SNX8: variants seen among roughly 807,000 people sequenced by gnomAD.
SNX8 encodes the protein sorting nexin-8.
In SNX8, 25 loss-of-function variants were observed where a neutral mutation model predicts 51.6. That is an observed-to-expected ratio of 0.48 (90% confidence interval 0.35 to 0.68). The LOEUF is 0.68. Among genes scored for constraint, SNX8 ranks in the 30% least tolerant of loss-of-function variants. SNX8 has a pLI of 0.00. For missense variants in SNX8, 695 were observed against 624.0 expected (o/e 1.11, Z -1.21); for synonymous variants, 324 against 277.0 (o/e 1.17, Z -1.68).
chr7:2,261,442 C>CA (rs1325408661), intron 7 of SNX8, among the ~76,000 whole-genome samples: 2 of 151,838 alleles, frequency 1.3e-5, no homozygotes, highest in African/African-American at 2.4e-5. Context: ...CAAAAACAAA[C>CA]AAAAAAAAGA....
Position 2,275,115 on chromosome 7 carries a change from C to T in SNX8, c.415G>A (p.Gly139Arg). The part of the protein sequence containing the change: ...VPALPPKRML[G>R]ADREFIEARR... ...TGGGCAGCACGCCTGGCTTTACCTCCCAGCATTCTCTTGGGTGGCAGGGCA... is the reference window on the plus strand; with the variant it reads ...TGGGCAGCACGCCTGGCTTTACCTCTCAGCATTCTCTTGGGTGGCAGGGCA... Residue 139 changes from glycine (G) to arginine (R), a missense_variant, in exon 3 of 11, where the codon GGA becomes AGA. Physicochemically the swap from Gly to Arg is moderately radical, Grantham distance 125. Transcript: ENST00000222990. 6.2e-7 allele frequency: 1 copy of T among 1,610,242 alleles called. No homozygotes were observed. The highest frequency in any genetic ancestry group is 2.2e-5 in the East Asian group (1 of 44,856).
chr7:2,292,955 G>A (rs2115169804), intron 1 of SNX8, among the ~76,000 whole-genome samples: 1 of 152,140 alleles, frequency 6.6e-6, no homozygotes, highest in Non-Finnish European at 1.5e-5. Flanking sequence ...CCCAGGTTGA[G>A]GCTGCAGTGA....
At chr7:2,306,973 G>C (rs945579880) in intron 1 of SNX8, among the ~76,000 whole-genome samples, 3 of 124,108 alleles carry the variant, frequency 2.4e-5, no homozygotes, top group Non-Finnish European at 5.8e-5. Context: ...GTACTTCCTG[G>C]GGTTAATCAA....
chr7:2,268,705 G>A (rs1225850824), intron 5 of SNX8, among the ~76,000 whole-genome samples: 9 of 20,614 alleles, frequency 4.4e-4, no homozygotes, highest in Non-Finnish European at 6.1e-4. Context: ...CCAGCCAGCC[G>A]CCCCGTCCGG....
At position 2,314,338 on chromosome 7, in the gene SNX8, G is replaced by A. The variant is rs1796717800; in HGVS notation, c.84C>T (p.Pro28=). 2.0e-5 allele frequency: 25 copies of A among 1,223,386 alleles called. No homozygotes were observed. The highest frequency in any genetic ancestry group is 2.5e-5 in the Non-Finnish European group (25 of 982,380). The allele number at this position is 1,223,386 out of a possible 1,614,324, so 75.8% of individuals were successfully genotyped here. The part of the protein sequence containing the change: ...AEAEADEEAD[P]PASDLPTPQA... ...CGCCCCACGCCCTACCTGACGCCGGGGGATCCGCCTCCTCGTCAGCCTCCG... is the reference window on the plus strand; with the variant it reads ...CGCCCCACGCCCTACCTGACGCCGGAGGATCCGCCTCCTCGTCAGCCTCCG... The change falls in exon 1 of 11, where the codon CCC becomes CCT. Residue 28 remains proline, a synonymous_variant. Transcript: ENST00000222990.
chr7:2,269,730 C>T, intron 4 of SNX8, 91 bp from the exon 5 acceptor site: 3 of 752,538 alleles, frequency 4.0e-6, no homozygotes, highest in South Asian at 3.3e-5. Context: ...GGGAGGTCGT[C>T]TTTCCTCAGG....
At chr7:2,321,298 G>A (rs901768801) in intron 1 of SNX8, among the ~76,000 whole-genome samples, 6 of 152,304 alleles carry the variant, frequency 3.9e-5, no homozygotes, top group East Asian at 1.9e-4. Flanking sequence ...CGTCAGCTCC[G>A]CTGCTGGATC....
At chr7:2,336,523 G>A (rs553825732) in intron 1 of SNX8, among the ~76,000 whole-genome samples, 3 of 151,770 alleles carry the variant, frequency 2.0e-5, no homozygotes, top group South Asian at 2.1e-4. Context: ...CCTGCCTAAC[G>A]CAGTGAAATC....
upstream of SNX8, among the ~76,000 whole-genome samples, chr7:2,318,938 G>A (rs1398031186): frequency 1.3e-5 from 2 of 152,076 alleles, no homozygotes; most frequent in Non-Finnish European, 2.9e-5. Flanking sequence ...AGCCCAGGAT[G>A]TCAAGGCTGT....
At chr7:2,343,871 T>C (rs939664897) in intron 1 of SNX8, among the ~76,000 whole-genome samples, 2 of 150,892 alleles carry the variant, frequency 1.3e-5, no homozygotes, top group African/African-American at 4.9e-5. Context: ...AATACAAAAT[T>C]AGCCAGGCAC....
intron 1 of SNX8, among the ~76,000 whole-genome samples, chr7:2,349,675 G>C (rs1177210129): frequency 6.6e-6 from 1 of 152,008 alleles, no homozygotes. Context: ...GCCTTCAAGA[G>C]ATCTGCCCAC....
chr7:2,341,039 G>A (rs1562463564), intron 1 of SNX8, among the ~76,000 whole-genome samples: 1 of 151,084 alleles, frequency 6.6e-6, no homozygotes. Context: ...AGCCAGGCAT[G>A]GTGGCATGCA....
chr7:2,322,163 G>T (rs997550249), intron 1 of SNX8, among the ~76,000 whole-genome samples: 2 of 152,186 alleles, frequency 1.3e-5, no homozygotes, highest in African/African-American at 2.4e-5. Flanking sequence ...ACAGAACTTA[G>T]CATGCAGAGC....
intron 1 of SNX8, among the ~76,000 whole-genome samples, chr7:2,283,545 G>C (rs1415924382): frequency 6.6e-6 from 1 of 152,210 alleles, no homozygotes; most frequent in Non-Finnish European, 1.5e-5. Flanking sequence ...TAGTGGCAGG[G>C]AGGACCTGAA....
chr7:2,255,330 A>G (rs1254360926), intron 10 of SNX8, among the ~76,000 whole-genome samples, 161 bp from the exon 11 acceptor site: 1 of 152,200 alleles, frequency 6.6e-6, no homozygotes, highest in African/African-American at 2.4e-5. Context: ...CATCCTGCAC[A>G]GAGGAAGCCC....
At chr7:2,256,234 C>T (rs1248986136) in intron 10 of SNX8, among the ~76,000 whole-genome samples, 1 of 152,232 alleles carries the variant, frequency 6.6e-6, no homozygotes, top group Non-Finnish European at 1.5e-5. Context: ...ACGGCACCCA[C>T]GGCACCAAGC....
At chr7:2,345,747 GTGA>G (rs143006958) in intron 1 of SNX8, among the ~76,000 whole-genome samples, 2,895 of 151,962 alleles carry the variant, frequency 0.019, 92 homozygotes, top group African/African-American at 0.062. Context: ...CATTCTGGTT[GTGA>G]TATTATTGTG....
intron 1 of SNX8, among the ~76,000 whole-genome samples, chr7:2,352,988 GCT>G (rs1779187496): frequency 6.6e-6 from 1 of 152,120 alleles, no homozygotes; most frequent in South Asian, 2.1e-4. Context: ...CTTCTTTTTC[GCT>G]CTTTTAAACA....
At chr7:2,276,029 G>C (rs1584690226) in intron 2 of SNX8, among the ~76,000 whole-genome samples, 1 of 152,066 alleles carries the variant, frequency 6.6e-6, no homozygotes, top group East Asian at 1.9e-4. Flanking sequence ...CAAATGGTAT[G>C]AAGCATAGTG....
Sources: allele counts gnomAD v4.1 joint callset (sites outside exome capture counted in the v4.1 genomes callset), GRCh38; gene constraint gnomAD v4.1.1; transcripts MANE v1.5; gene names NCBI Gene and HGNC (gene_info 2026-07-23, HGNC 2026-07-21).